The following HDC variants were observed in gnomAD, a reference collection of about 807,000 sequenced individuals.
HDC encodes histidine decarboxylase.
A neutral mutation model predicts 64.4 loss-of-function variants in HDC; 27 were observed. The ratio of observed to expected loss-of-function variants is 0.42; its 90% CI spans 0.31 to 0.58. The LOEUF (loss-of-function observed/expected upper bound fraction) is 0.58, where lower values mean the gene tolerates loss of function less well. Among genes scored for constraint, HDC ranks in the 20% least tolerant of loss-of-function variants. The pLI, the probability that HDC is intolerant of heterozygous loss-of-function variation, is 0.16. For missense variants in HDC, 711 were observed against 833.9 expected (o/e 0.85, Z 1.81); for synonymous variants, 305 against 314.2 (o/e 0.97, Z 0.31).
At position 50,260,470 on chromosome 15, in the gene HDC, C is replaced by T. The variant is rs558840422; in HGVS notation, c.205-1953G>A. The stretch of plus-strand genomic sequence containing the variant: ...CCTAGGGTTGTTGTGTGGGTGGAGG[C>T]GTGGGCAAGAAATGTGTGAAATGTT... On this transcript the variant is annotated intron_variant, in intron 2 of 11. Coordinates refer to ENST00000267845, the MANE Select transcript of HDC (RefSeq NM_002112.4). Among the ~76,000 whole-genome samples, 4 of 152,186 alleles carry T rather than the reference C, an allele frequency of 2.6e-5. No homozygotes were observed. In the South Asian group the frequency reaches 8.3e-4, roughly 32 times the overall value.
chr15:50,257,282 T>C, intron 4 of HDC, 143 bp downstream of exon 4: 3 of 973,232 alleles, frequency 3.1e-6, no homozygotes, highest in Non-Finnish European at 4.9e-6. Flanking sequence ...AGGTGGAAGC[T>C]GTGATGATGG....
Position 50,258,499 on chromosome 15 carries a change from G to T in HDC, c.223C>A (p.Pro75Thr), listed in dbSNP as rs2045661813. 1 of 1,612,044 alleles carries T rather than the reference G, an allele frequency of 6.2e-7. No homozygotes were observed. Among genetic ancestry groups the T allele is most frequent in the Admixed American group, 1.7e-5 (1 of 59,994 alleles). The change falls in exon 3 of 12, where the codon CCC becomes ACC. Residue 75 changes from proline to threonine, a missense_variant. This residue lies in a region of HDC where 225 missense variants were observed against 276.2 expected (regional missense o/e 0.81). Transcript: ENST00000267845. ...GCTGGGTAGTAGGCGTGCATATGGG[G>T]GCTCTGCCAATGTACCACCTGGAGG... ...IMPGVVHWQS[P>T]HMHAYYPALT... is the part of the protein sequence containing the mutation.
intron 1 of HDC, among the ~76,000 whole-genome samples, chr15:50,264,001 G>T (rs1168094054): frequency 1.3e-5 from 2 of 152,040 alleles, no homozygotes; most frequent in East Asian, 3.8e-4. Context: ...CTTCAATTTT[G>T]ATTGTCTCTC....
intron 7 of HDC, chr15:50,252,997 C>G (rs954522029): frequency 4.8e-5 from 28 of 586,794 alleles, no homozygotes; most frequent in Non-Finnish European, 8.5e-5. Context: ...TCACCCTTGC[C>G]TTTTTCTTCC....
rs1478811484 is a variant in HDC, at chr15:50,242,587, T to C, written c.1662A>G (p.Ser554=). 1.2e-6 allele frequency: 2 copies of C among 1,614,180 alleles called. No homozygotes were observed. Among genetic ancestry groups the C allele is most frequent in the Admixed American group, 1.7e-5 (1 of 60,024 alleles). The stretch of plus-strand genomic sequence containing the variant: ...GCTTGGTGGCATCTGGGGCCTCTTC[T>C]GAAAAGCAGTCATCAACTGGGTCCA... The part of the protein sequence containing the change: ...TLLDPVDDCF[S]EEAPDATKHK... The change falls in exon 12 of 12, where the codon TCA becomes TCG. Residue 554 remains serine, a synonymous_variant. Coordinates refer to ENST00000267845, the MANE Select transcript of HDC (RefSeq NM_002112.4).
chr15:50,242,884 G>A lies in HDC; in HGVS notation c.1365C>T (p.Thr455=). 6.2e-7 allele frequency: 1 copy of A among 1,613,990 alleles called. No individual in the cohort carries two copies. The highest frequency in any genetic ancestry group is 8.5e-7 in the Non-Finnish European group (1 of 1,179,860). ...AGTCTCTCAGGATGTCATCCCTAGT[G>A]GTAAACTGGGATGTCACAGTGAAAC... The part of the protein sequence containing the change: ...IIRFTVTSQF[T]TRDDILRDWN... Residue 455 remains threonine (T), a synonymous_variant, in exon 12 of 12, where the codon ACC becomes ACT. Transcript: ENST00000267845.
In HDC at chr15:50,248,402, G is replaced by A; in HGVS notation, c.1042-59C>T. 1 of 1,132,040 alleles carries A rather than the reference G, an allele frequency of 8.8e-7. No homozygotes were observed. Among genetic ancestry groups the A allele is most frequent in the Non-Finnish European group, 1.3e-6 (1 of 750,120 alleles). The allele number at this position is 1,132,040 out of a possible 1,614,324, so 70.1% of individuals were successfully genotyped here. A position where few individuals can be genotyped will look rare whatever the true frequency, so the allele number is the denominator to read the frequency against. On this transcript the variant is annotated intron_variant, in intron 9 of 11. Transcript: ENST00000267845. This position sits in a 1 kb window ranked among gnomAD's most constrained non-coding sequence, Gnocchi z 4.3. The stretch of plus-strand genomic sequence containing the variant: ...AGACAAGGGTGCCCCACTCCCTCGG[G>A]CATTTCTGGGCATTATCTGTTGCCT...
At chr15:50,257,265 G>A (rs2045644208) in intron 4 of HDC, among the ~76,000 whole-genome samples, 160 bp downstream of exon 4, 1 of 152,234 alleles carries the variant, frequency 6.6e-6, no homozygotes, top group Admixed American at 6.5e-5. Flanking sequence ...AGCTGAGGTG[G>A]GAGTAGAGGT....
intron 9 of HDC, among the ~76,000 whole-genome samples, chr15:50,251,528 C>T (rs528038942): frequency 6.6e-6 from 1 of 152,158 alleles, no homozygotes; most frequent in Non-Finnish European, 1.5e-5. Context: ...CTGCTGCCTC[C>T]GTTGGCCAGG....
At chr15:50,253,328 A>C in intron 7 of HDC, 1 of 525,700 alleles carries the variant, frequency 1.9e-6, no homozygotes, top group Non-Finnish European at 3.4e-6. Flanking sequence ...ACATACAAGT[A>C]AGAGGATGAG....
intron 10 of HDC, among the ~76,000 whole-genome samples, chr15:50,243,732 C>G (rs1017100015): frequency 6.6e-6 from 1 of 152,260 alleles, no homozygotes; most frequent in Non-Finnish European, 1.5e-5. Flanking sequence ...CCTAAGCCTA[C>G]ATGCTTCACT....
At chr15:50,253,375 A>G (rs759031928) in intron 7 of HDC, 1 of 605,810 alleles carries the variant, frequency 1.7e-6, no homozygotes, top group Non-Finnish European at 3.0e-6. Flanking sequence ...CTCCTAGGAC[A>G]GGAGGCAAGG....
chr15:50,259,042 G>C (rs1477952561), intron 2 of HDC, among the ~76,000 whole-genome samples: 1 of 152,040 alleles, frequency 6.6e-6, no homozygotes, highest in Non-Finnish European at 1.5e-5. Context: ...GAAGCCTGTA[G>C]TCCCAGCTAC....
intron 10 of HDC, among the ~76,000 whole-genome samples, chr15:50,244,229 T>G (rs2045445467): frequency 6.6e-6 from 1 of 152,026 alleles, no homozygotes; most frequent in Non-Finnish European, 1.5e-5. Context: ...TTCTATCAGT[T>G]AGTTCTCATA....
intron 10 of HDC, among the ~76,000 whole-genome samples, chr15:50,243,782 C>A (rs1482314764): frequency 6.6e-6 from 1 of 152,220 alleles, no homozygotes; most frequent in Non-Finnish European, 1.5e-5. Context: ...CCCAAATGCC[C>A]TTTTCATCCC....
chr15:50,253,834 C>A (rs1487175731), intron 6 of HDC, 168 bp from the exon 7 acceptor site: 2 of 692,250 alleles, frequency 2.9e-6, no homozygotes, highest in Non-Finnish European at 5.2e-6. Context: ...TTTTATATAA[C>A]AATCTAGTAC....
At chr15:50,263,989 C>T (rs1461108862) in intron 1 of HDC, among the ~76,000 whole-genome samples, 1 of 152,102 alleles carries the variant, frequency 6.6e-6, no homozygotes, top group East Asian at 1.9e-4. Context: ...TTCCTTTATC[C>T]ACTTCAATTT....
chr15:50,265,205 TAAGAA>T (rs200238878), intron 1 of HDC, among the ~76,000 whole-genome samples: 2,050 of 152,288 alleles, frequency 0.013, 22 homozygotes, highest in Middle Eastern at 0.041. Context: ...GAATGAATGT[TAAGAA>T]AGAAAGGATT....
chr15:50,243,460 C>T (rs1252377394), intron 10 of HDC, among the ~76,000 whole-genome samples: 2 of 152,230 alleles, frequency 1.3e-5, no homozygotes, highest in African/African-American at 4.8e-5. Context: ...TGGGATCCAC[C>T]TCGAGAACTC....
Sources: gnomAD v4.1 joint callset for allele counts (sites outside exome capture counted in the v4.1 genomes callset) on GRCh38, gnomAD v4.1.1 for gene constraint, gnomAD v4.1.1 regional missense constraint, Gnocchi (gnomAD v3.1) non-coding constraint, MANE v1.5 for transcripts, NCBI Gene and HGNC (gene_info 2026-07-23, HGNC 2026-07-21) for gene names.